Variants in CDK6 observed in about 807,000 individuals in gnomAD.
CDK6 encodes the protein cyclin dependent kinase 6, also known as cyclin-dependent kinase 6.
A neutral mutation model predicts 37.1 loss-of-function variants in CDK6; 6 were observed. That is an observed-to-expected ratio of 0.16 (90% CI 0.09 to 0.32). The LOEUF (loss-of-function observed/expected upper bound fraction) is 0.32. CDK6 is among the 10% of genes least tolerant of loss of function. The pLI, the probability that CDK6 is intolerant of heterozygous loss-of-function variation, is 1.00. For missense variants in CDK6, 224 were observed against 418.9 expected (o/e 0.53, Z 4.06); for synonymous variants, 160 against 161.3 (o/e 0.99, Z 0.06).
intron 7 of CDK6, 57 bp from the exon 8 acceptor site, chr7:92,615,343 A>G (rs2116478109): frequency 7.1e-7 from 1 of 1,404,350 alleles, no homozygotes; most frequent in South Asian, 1.2e-5. Context: ...TAAATAATGT[A>G]CTTACAGAGT....
rs149875211 is a variant in CDK6, at chr7:92,826,717, T to C, written c.233+6374A>G. Among the ~76,000 whole-genome samples, 11 of 152,308 alleles carry C rather than the reference T, an allele frequency of 7.2e-5. No individual in the cohort carries two copies. In the East Asian group the frequency reaches 1.5e-3, roughly 21 times the overall value. On this transcript the variant is annotated intron_variant, in intron 2 of 7. Transcript: ENST00000424848. ...TAAGTATTTGAAGACTCTTACTAAA[T>C]AGACTTCACATGTGTATGCCTTACA...
intron 2 of CDK6, among the ~76,000 whole-genome samples, chr7:92,804,369 C>A (rs1391462814): frequency 6.6e-6 from 1 of 152,180 alleles, no homozygotes; most frequent in East Asian, 1.9e-4. Flanking sequence ...ACAATTTCAA[C>A]AACCTTCACC....
chr7:92,696,955 TGAGA>T (rs1797734873), intron 4 of CDK6, among the ~76,000 whole-genome samples: 1 of 152,210 alleles, frequency 6.6e-6, no homozygotes, highest in South Asian at 2.1e-4. Context: ...GAGACAGGAA[TGAGA>T]GAGAGAATTT....
At chr7:92,699,092 CTG>C (rs915521162) in intron 4 of CDK6, among the ~76,000 whole-genome samples, 1 of 152,164 alleles carries the variant, frequency 6.6e-6, no homozygotes, top group Admixed American at 6.5e-5. Flanking sequence ...AAAATAGTAA[CTG>C]ATATCTTCCT....
chr7:92,615,024 C>T lies in CDK6; in HGVS notation c.*116G>A. On this transcript the variant is annotated 3_prime_UTR_variant, in exon 8 of 8. Transcript: ENST00000424848. ...GAAGCAGAGCCTGTCCAGAAGACAG[C>T]AGCTGGAAGGCCTCCAGATAGCAAT... 2 of 1,028,142 alleles carry T rather than the reference C, an allele frequency of 1.9e-6. No individual in the cohort carries two copies. Among genetic ancestry groups the T allele is most frequent in the Non-Finnish European group, 2.8e-6 (2 of 706,966 alleles). The allele number at this position is 1,028,142 out of a possible 1,614,324, so 63.7% of individuals were successfully genotyped here.
intron 5 of CDK6, among the ~76,000 whole-genome samples, chr7:92,665,238 TTAAAA>T (rs1227349473): frequency 6.6e-6 from 1 of 151,994 alleles, no homozygotes; most frequent in Non-Finnish European, 1.5e-5. Context: ...TGCTGTATAG[TTAAAA>T]ATCAATCTAT....
chr7:92,833,567 C>T lies in CDK6; in HGVS notation c.-244G>A. The T allele has an allele frequency of 1.9e-6, 1 of 513,830 alleles. No individual in the cohort carries two copies. The highest frequency in any genetic ancestry group is 3.4e-6 in the Non-Finnish European group (1 of 296,352). The allele number at this position is 513,830 out of a possible 1,614,324, so 31.8% of individuals were successfully genotyped here. A position where few individuals can be genotyped will look rare whatever the true frequency, so the allele number is the denominator to read the frequency against. ...CCGCGAAACTCCGCCTGCAGAGTCGCCGCCGCCGCCGCCGCCGGAGGAGCG... is the reference window on the plus strand; with the variant it reads ...CCGCGAAACTCCGCCTGCAGAGTCGTCGCCGCCGCCGCCGCCGGAGGAGCG... On this transcript the variant is annotated 5_prime_UTR_variant, in exon 2 of 8. Coordinates refer to ENST00000424848, the MANE Select transcript of CDK6 (RefSeq NM_001145306.2). The surrounding 1 kb of genome is among the most constrained non-coding windows in gnomAD (Gnocchi z 6.1).
intron 5 of CDK6, among the ~76,000 whole-genome samples, chr7:92,665,889 T>C (rs957697417): frequency 2.0e-5 from 3 of 152,352 alleles, no homozygotes; most frequent in African/African-American, 4.8e-5. Flanking sequence ...TTGATTGTTG[T>C]ATGCCCATGG....
At chr7:92,644,722 TTC>T in intron 5 of CDK6, among the ~76,000 whole-genome samples, 1 of 152,212 alleles carries the variant, frequency 6.6e-6, no homozygotes, top group South Asian at 2.1e-4. Context: ...GGAGCAGGTA[TTC>T]CACTGGTTCA....
chr7:92,732,959 C>T (rs1276435618), intron 3 of CDK6, among the ~76,000 whole-genome samples: 4 of 152,216 alleles, frequency 2.6e-5, no homozygotes, highest in Non-Finnish European at 5.9e-5. Context: ...AACTTTAGGG[C>T]TGTCTGCCTC....
At chr7:92,708,713 C>T (rs1798020063) in intron 4 of CDK6, among the ~76,000 whole-genome samples, 1 of 152,136 alleles carries the variant, frequency 6.6e-6, no homozygotes. Context: ...ATCTGAATTA[C>T]AATTGGGATA....
intron 1 of CDK6, 103 bp downstream of exon 1, chr7:92,836,375 C>T (rs1391611283): frequency 7.4e-6 from 1 of 134,944 alleles, no homozygotes. Flanking sequence ...CCACCCTCCA[C>T]TTACCCCACC....
At chr7:92,649,357 T>A (rs545598631) in intron 5 of CDK6, among the ~76,000 whole-genome samples, 97 of 152,260 alleles carry the variant, frequency 6.4e-4, no homozygotes, top group South Asian at 1.2e-3. Flanking sequence ...TAATTTGAAG[T>A]TAAAAACACC....
At chr7:92,808,275 C>A (rs1800778855) in intron 2 of CDK6, among the ~76,000 whole-genome samples, 1 of 152,204 alleles carries the variant, frequency 6.6e-6, no homozygotes, top group South Asian at 2.1e-4. Flanking sequence ...CAGAAGCCTG[C>A]AGTCTGAAGC....
intron 3 of CDK6, among the ~76,000 whole-genome samples, chr7:92,729,812 ATCATATCATAGC>A (rs2115574739): frequency 6.6e-6 from 1 of 152,228 alleles, no homozygotes; most frequent in East Asian, 1.9e-4. Flanking sequence ...CAGTGGTGCC[ATCATATCATAGC>A]TCACTGCAAC....
At chr7:92,669,361 T>C (rs1797026437) in intron 5 of CDK6, among the ~76,000 whole-genome samples, 1 of 152,232 alleles carries the variant, frequency 6.6e-6, no homozygotes, top group African/African-American at 2.4e-5. Flanking sequence ...ATACAGCAAA[T>C]TCCTTAGTAG....
At chr7:92,615,969 C>T (rs777650535) in intron 7 of CDK6, among the ~76,000 whole-genome samples, 3 of 152,180 alleles carry the variant, frequency 2.0e-5, no homozygotes, top group Non-Finnish European at 4.4e-5. Context: ...ATTTCAGTCT[C>T]ATTTCCACCC....
chr7:92,664,909 C>T (rs143490882), intron 5 of CDK6, among the ~76,000 whole-genome samples: 1,725 of 152,064 alleles, frequency 0.011, 19 homozygotes, highest in Middle Eastern at 0.044. Context: ...CCTCAGCCTC[C>T]CGAGTAGGTG....
At chr7:92,638,265 A>G (rs1290184643) in intron 5 of CDK6, among the ~76,000 whole-genome samples, 1 of 152,228 alleles carries the variant, frequency 6.6e-6, no homozygotes, top group Admixed American at 6.5e-5. Flanking sequence ...ATGTATTTCA[A>G]AAGATGAACC....
Sources: gnomAD v4.1 joint callset for allele counts (sites outside exome capture counted in the v4.1 genomes callset) on GRCh38, gnomAD v4.1.1 for gene constraint, Gnocchi (gnomAD v3.1) non-coding constraint, MANE v1.5 for transcripts, NCBI Gene and HGNC (gene_info 2026-07-23, HGNC 2026-07-21) for gene names.